GLIS2: variants seen among roughly 807,000 people sequenced by gnomAD.
GLIS2 encodes zinc finger protein GLIS2.
A neutral mutation model predicts 35.6 loss-of-function variants in GLIS2; 14 were observed. The observed-to-expected ratio is 0.39, with a 90% CI of 0.26 to 0.61. The LOEUF (loss-of-function observed/expected upper bound fraction) is 0.61, where lower values mean the gene tolerates loss of function less well. Ranked by LOEUF, GLIS2 falls within the 20% of genes least tolerant of loss-of-function variation. The pLI, the probability that GLIS2 is intolerant of heterozygous loss-of-function variation, is 0.48. For synonymous variants in GLIS2, 368 were observed against 325.1 expected (o/e 1.13, Z -1.42); for missense variants, 675 against 713.4 (o/e 0.95, Z 0.61).
In GLIS2 at chr16:4,337,287, GGGGCGTGGGTCGGTGCCCACCA is replaced by G; in HGVS notation, c.1343_1364del (p.Arg448ProfsTer69). The G allele has an allele frequency of 1.3e-6, 2 of 1,553,352 alleles. No homozygotes were observed. The highest frequency in any genetic ancestry group is 8.7e-7 in the Non-Finnish European group (1 of 1,150,092). ...CTGGTGGCAAGGCCGAGGGGGAGAA[GGGGCGTGGGTCGGTGCCCACCA>G]GGGCCCTGGGCATGGAGGGCCACAA... On this transcript the variant is annotated frameshift_variant, in exon 7 of 7. Transcript: ENST00000433375. LOFTEE classifies it high-confidence loss of function.
intron 1 of GLIS2, among the ~76,000 whole-genome samples, chr16:4,316,638 C>T (rs976903695): frequency 2.0e-5 from 3 of 151,404 alleles, no homozygotes; most frequent in Non-Finnish European, 4.4e-5. Flanking sequence ...TGAAGTTGTC[C>T]GGGGCAGCCG....
chr16:4,334,395 G>A (rs1269483462), intron 3 of GLIS2, among the ~76,000 whole-genome samples: 3 of 151,036 alleles, frequency 2.0e-5, no homozygotes, highest in Non-Finnish European at 4.4e-5. Context: ...GTGCCATCAC[G>A]CCTGGCTAAT....
chr16:4,327,705 C>CG (rs2053448943), intron 1 of GLIS2, among the ~76,000 whole-genome samples: 1 of 151,744 alleles, frequency 6.6e-6, no homozygotes, highest in African/African-American at 2.4e-5. Flanking sequence ...CCCCGCCCTG[C>CG]GGTGGGTGGG....
intron 1 of GLIS2, chr16:4,326,330 T>TA (rs2053429989): frequency 6.6e-6 from 1 of 152,242 alleles, no homozygotes. Context: ...AGTTCTCAGC[T>TA]AAATGGCCAC....
rs1567224547 is a variant in GLIS2 at position 4,336,768 on chromosome 16, C to T, written c.819C>T (p.Arg273=). The T allele has an allele frequency of 2.5e-6, 4 of 1,611,522 alleles. No homozygotes were observed. The highest frequency in any genetic ancestry group is 1.3e-5 in the African/African-American group (1 of 75,016). Residue 273 remains arginine (R), a synonymous_variant, in exon 7 of 7, where the codon CGC becomes CGT. Coordinates refer to ENST00000433375, the MANE Select transcript of GLIS2 (RefSeq NM_032575.3). ...GCCCCTACGAGGGCTGCAACAAGCG[C>T]TATTCCAACTCCAGTGACCGCTTTA... ...YVCPYEGCNK[R]YSNSSDRFKH... is the part of the protein sequence containing the mutation.
chr16:4,334,917 G>A lies in GLIS2; in HGVS notation c.462G>A (p.Lys154=). The change falls in exon 4 of 7, where the codon AAG becomes AAA. Residue 154 remains lysine, a synonymous_variant. Transcript: ENST00000433375. ...CCTCCTCCTTCCTTACCCCTCCCAA[G>A]GACAAGTGCCTCTCGCCAGACCTGC... ...LPASSFLTPP[K]DKCLSPDLPL... 6.2e-7 allele frequency: 1 copy of A among 1,613,152 alleles called. No individual in the cohort carries two copies. Among genetic ancestry groups the A allele is most frequent in the Non-Finnish European group, 8.5e-7 (1 of 1,180,012 alleles).
chr16:4,322,789 G>A (rs1228057127), intron 1 of GLIS2, among the ~76,000 whole-genome samples: 1 of 152,244 alleles, frequency 6.6e-6, no homozygotes, highest in African/African-American at 2.4e-5. Context: ...TGCTCTCGGA[G>A]TTGGCGGGTG....
At chr16:4,324,946 C>T (rs2053414976) in intron 1 of GLIS2, among the ~76,000 whole-genome samples, 1 of 152,200 alleles carries the variant, frequency 6.6e-6, no homozygotes, top group South Asian at 2.1e-4. Context: ...GCCCTCCTGC[C>T]TGGGGCCCCC....
Position 4,335,038 on chromosome 16 carries a change from G to C in GLIS2, c.523-22G>C. 1 of 1,613,364 alleles carries C rather than the reference G, an allele frequency of 6.2e-7. No homozygotes were observed. The highest frequency in any genetic ancestry group is 8.5e-7 in the Non-Finnish European group (1 of 1,180,032). The stretch of plus-strand genomic sequence containing the variant: ...GGGCAGGTCACCCCGCATGGGCTCA[G>C]AACACTTCCCATCCTCCGCAGTGTA... On this transcript the variant is annotated intron_variant, in intron 4 of 6. Transcript: ENST00000433375. This position sits in a 1 kb window ranked among gnomAD's most constrained non-coding sequence, Gnocchi z 4.6.
chr16:4,317,578 C>T (rs2053327764), intron 1 of GLIS2, among the ~76,000 whole-genome samples: 1 of 152,160 alleles, frequency 6.6e-6, no homozygotes, highest in African/African-American at 2.4e-5. Flanking sequence ...ACACACCCAT[C>T]CCGGGTGACC....
chr16:4,337,168 C>G lies in GLIS2; in HGVS notation c.1219C>G (p.Leu407Val). 2 of 1,541,980 alleles carry G rather than the reference C, an allele frequency of 1.3e-6. No individual in the cohort carries two copies. The highest frequency in any genetic ancestry group is 2.4e-5 in the East Asian group (1 of 40,922). Residue 407 changes from leucine (L) to valine (V), a missense_variant, in exon 7 of 7, where the codon CTG becomes GTG. Physicochemically the swap from Leu to Val is conservative, Grantham distance 32. This residue lies in a region of GLIS2 where 317 missense variants were observed against 283.2 expected (regional missense o/e 1.12). Coordinates refer to ENST00000433375, the MANE Select transcript of GLIS2 (RefSeq NM_032575.3). ...GGGCCCTGGGCTGCCAGGCCCCGTC[C>G]TGCCTCTCAATCTGGCCAAGAACCC... is the stretch of plus-strand genomic sequence containing the variant. ...GMGPGLPGPV[L>V]PLNLAKNPLL...
rs988525111 is a variant in GLIS2 at position 4,337,996 on chromosome 16, C to G, written c.*472C>G. ...GGCCTGCCCTTCCCTCCTAGGCTTA[C>G]CCAGCCCCTGCCCTGGGGGCTCCTT... On this transcript the variant is annotated 3_prime_UTR_variant, in exon 7 of 7. Coordinates refer to ENST00000433375, the MANE Select transcript of GLIS2 (RefSeq NM_032575.3). 1 of 237,950 alleles carries G rather than the reference C, an allele frequency of 4.2e-6. No individual in the cohort carries two copies. Among genetic ancestry groups the G allele is most frequent in the Non-Finnish European group, 8.4e-6 (1 of 119,690 alleles). 14.7% of individuals were successfully genotyped at this position (237,950 alleles called of 1,614,324 possible).
upstream of GLIS2, among the ~76,000 whole-genome samples, chr16:4,315,653 G>T (rs1192014270): frequency 6.7e-6 from 1 of 148,416 alleles, no homozygotes; most frequent in African/African-American, 2.6e-5. Flanking sequence ...CCCTCGGGCC[G>T]GGGGCGGGGC....
chr16:4,327,236 A>G (rs2053441598), intron 1 of GLIS2, among the ~76,000 whole-genome samples: 1 of 152,156 alleles, frequency 6.6e-6, no homozygotes, highest in Non-Finnish European at 1.5e-5. Context: ...CCAGCTCCCT[A>G]TTAGCCTAGT....
In GLIS2 at chr16:4,324,002, ACT is replaced by A. The variant is rs763365255; in HGVS notation, c.-67+7751_-67+7752del. 1.3e-4 allele frequency among the ~76,000 whole-genome samples: 20 copies of A among 152,240 alleles called. No homozygotes were observed. In the East Asian group the frequency reaches 1.7e-3, roughly 13 times the overall value. On this transcript the variant is annotated intron_variant, in intron 1 of 6. Transcript: ENST00000433375. ...ACCAGGCAGCCTGGCCCTGGGGCAC[ACT>A]CTGTGAACACGCAGAAAAAAGATCC...
Position 4,332,445 on chromosome 16 carries a change from G to A in GLIS2, c.165G>A (p.Pro55=), listed in dbSNP as rs372718818. ...DSPTPGSPGS[P]PSGFLLNSKF... ...CCACACCTGGCTCTCCAGGCTCCCCGCCCTCAGGTACTGGCCCTGGGCAGG... is the reference window on the plus strand; with the variant it reads ...CCACACCTGGCTCTCCAGGCTCCCCACCCTCAGGTACTGGCCCTGGGCAGG... Residue 55 remains proline, a synonymous_variant, in exon 2 of 7, where the codon CCG becomes CCA. Coordinates refer to ENST00000433375, the MANE Select transcript of GLIS2 (RefSeq NM_032575.3). The surrounding 1 kb of genome is among the most constrained non-coding windows in gnomAD (Gnocchi z 5.4). 35 of 1,611,222 alleles carry A rather than the reference G, an allele frequency of 2.2e-5. No homozygotes were observed. Among genetic ancestry groups the A allele is most frequent in the African/African-American group, 2.7e-5 (2 of 74,884 alleles).
intron 1 of GLIS2, among the ~76,000 whole-genome samples, chr16:4,324,224 A>G (rs1296144911): frequency 6.6e-6 from 1 of 152,124 alleles, no homozygotes; most frequent in Non-Finnish European, 1.5e-5. Context: ...AAAGGTTCCC[A>G]GGGACGGTGA....
rs776535774 is a variant in GLIS2 at position 4,337,304 on chromosome 16, C to T, written c.1355C>T (p.Pro452Leu). ...AEGEKGRGSV[P>L]TRALGMEGHK... ...GGGGAGAAGGGGCGTGGGTCGGTGC[C>T]CACCAGGGCCCTGGGCATGGAGGGC... The change falls in exon 7 of 7, where the codon CCC becomes CTC. Residue 452 changes from proline to leucine, a missense_variant. Pro to Leu is a moderately conservative substitution (Grantham distance 98). Around this residue, in one of 3 missense-constraint regions of GLIS2, gnomAD observed 317 missense variants for 283.2 expected, o/e 1.12. Coordinates refer to ENST00000433375, the MANE Select transcript of GLIS2 (RefSeq NM_032575.3). 5.8e-6 allele frequency: 9 copies of T among 1,563,792 alleles called. No individual in the cohort carries two copies. The South Asian group carries it at 1.1e-4, about 18-fold the overall frequency.
In GLIS2 at chr16:4,335,522, G is replaced by A. The variant is rs1296900581; in HGVS notation, c.775+129G>A. On this transcript the variant is annotated intron_variant, in intron 6 of 6. Transcript: ENST00000433375. The surrounding 1 kb of genome is among the most constrained non-coding windows in gnomAD (Gnocchi z 4.6). ...CTCAGAGATAAGGGTTGATGTCATC[G>A]CCCAGGGGTCCCTTTTCCAATGCAG... 4.9e-6 allele frequency: 4 copies of A among 813,316 alleles called. No individual in the cohort carries two copies. Among genetic ancestry groups the A allele is most frequent in the East Asian group, 2.6e-5 (1 of 38,114 alleles). 50.4% of individuals were successfully genotyped at this position (813,316 alleles called of 1,614,324 possible). A position where few individuals can be genotyped will look rare whatever the true frequency, so the allele number is the denominator to read the frequency against.
Sources: allele counts gnomAD v4.1 joint callset (sites outside exome capture counted in the v4.1 genomes callset), GRCh38; gene constraint gnomAD v4.1.1; regional missense constraint gnomAD v4.1.1; non-coding constraint Gnocchi (gnomAD v3.1); transcripts MANE v1.5; gene names NCBI Gene and HGNC (gene_info 2026-07-23, HGNC 2026-07-21).